NRXN1: variants seen among roughly 807,000 people sequenced by gnomAD.
The protein encoded by NRXN1 is neurexin-1.
In NRXN1, 39 loss-of-function variants were observed where a neutral mutation model predicts 150.9. That is an observed-to-expected ratio of 0.26 (90% CI 0.20 to 0.34). The LOEUF is 0.34. NRXN1 is among the 10% of genes least tolerant of loss of function. NRXN1 has a pLI of 1.00. For missense variants in NRXN1, 1,815 were observed against 1,949.9 expected, an observed-to-expected ratio of 0.93 and a Z score of 1.30; for synonymous variants, 924 against 757.0, an observed-to-expected ratio of 1.22 and a Z score of -3.62.
intron 5 of NRXN1, among the ~76,000 whole-genome samples, chr2:50,766,322 T>C (rs892686584): frequency 2.6e-5 from 4 of 152,006 alleles, no homozygotes; most frequent in Non-Finnish European, 4.4e-5. Context: ...TAACATGATC[T>C]GATAAACACC....
At chr2:50,678,559 A>C (rs771961079) in intron 5 of NRXN1, among the ~76,000 whole-genome samples, 2 of 152,078 alleles carry the variant, frequency 1.3e-5, no homozygotes, top group Non-Finnish European at 1.5e-5. Context: ...GCATTGGAAA[A>C]ACCTCATTTT....
chr2:50,941,702 T>G lies in NRXN1; in HGVS notation c.773-15747A>C, dbSNP rs1575001274. On this transcript the variant is annotated intron_variant, in intron 2 of 22. Transcript: ENST00000401669. ...TATGTGACCTGGCTTTTTCCGAAAG[T>G]GTACAGTCACATACGTTCACAAACA... 2.0e-5 allele frequency among the ~76,000 whole-genome samples: 3 copies of G among 152,132 alleles called. No homozygotes were observed. In the South Asian group the frequency reaches 6.2e-4, roughly 32 times the overall value.
chr2:50,422,238 A>G (rs1287917281), intron 17 of NRXN1, among the ~76,000 whole-genome samples: 2 of 152,152 alleles, frequency 1.3e-5, no homozygotes, highest in African/African-American at 2.4e-5. Flanking sequence ...AGAGGCTCTA[A>G]TTGCACACAA....
At chr2:50,156,332 T>C (rs776139450) in intron 18 of NRXN1, among the ~76,000 whole-genome samples, 1 of 151,840 alleles carries the variant, frequency 6.6e-6, no homozygotes, top group East Asian at 1.9e-4. Context: ...ATACAGTGTA[T>C]GAGAAAGGGC....
intron 17 of NRXN1, among the ~76,000 whole-genome samples, chr2:50,463,797 T>C (rs946515122): frequency 7.9e-5 from 12 of 151,848 alleles, no homozygotes; most frequent in African/African-American, 2.7e-4. Flanking sequence ...ACATTAAGCA[T>C]AGTTTGGCAG....
intron 17 of NRXN1, among the ~76,000 whole-genome samples, chr2:50,290,333 A>G (rs1031889312): frequency 6.6e-6 from 1 of 152,174 alleles, no homozygotes; most frequent in Non-Finnish European, 1.5e-5. Context: ...AATTTATTCA[A>G]TTGGGTTTGC....
intron 2 of NRXN1, among the ~76,000 whole-genome samples, chr2:50,946,588 C>A (rs1384405659): frequency 2.6e-5 from 4 of 152,106 alleles, no homozygotes; most frequent in Admixed American, 2.0e-4. Context: ...CAAAAACACT[C>A]ATTTAGGTAT....
intron 8 of NRXN1, among the ~76,000 whole-genome samples, chr2:50,600,922 A>T (rs940542725): frequency 6.7e-6 from 1 of 148,808 alleles, no homozygotes; most frequent in South Asian, 2.2e-4. Flanking sequence ...AATGCCTTTC[A>T]CATTCTAAGT....
At chr2:50,926,031 G>GC (rs1686822204) in intron 2 of NRXN1, 76 bp from the exon 3 acceptor site, 1 of 1,174,060 alleles carries the variant, frequency 8.5e-7, no homozygotes, top group African/African-American at 1.5e-5. Context: ...CCTTGCCTTT[G>GC]CATGTCTTCC....
chr2:50,260,179 G>T (rs1232749992), intron 17 of NRXN1, among the ~76,000 whole-genome samples: 2 of 151,892 alleles, frequency 1.3e-5, no homozygotes, highest in Admixed American at 6.6e-5. Context: ...CTGTCTCTTA[G>T]AACATAGTGG....
intron 5 of NRXN1, among the ~76,000 whole-genome samples, chr2:50,823,585 G>T (rs1386031303): frequency 5.3e-5 from 8 of 151,960 alleles, no homozygotes; most frequent in Non-Finnish European, 1.0e-4. Context: ...CTAGACTGAA[G>T]AATTAATAAA....
At chr2:49,923,260 G>A (rs1668536478) in intron 22 of NRXN1, among the ~76,000 whole-genome samples, 1 of 152,096 alleles carries the variant, frequency 6.6e-6, no homozygotes, top group African/African-American at 2.4e-5. Context: ...GATATAAAAG[G>A]ATAGAAACTG....
chr2:50,121,883 G>T (rs968980818), intron 18 of NRXN1, among the ~76,000 whole-genome samples: 1 of 152,138 alleles, frequency 6.6e-6, no homozygotes, highest in South Asian at 2.1e-4. Flanking sequence ...AAAGCTATGG[G>T]TTATTTACAG....
chr2:50,272,177 C>T (rs538019512), intron 17 of NRXN1, among the ~76,000 whole-genome samples: 9 of 152,190 alleles, frequency 5.9e-5, no homozygotes, highest in Non-Finnish European at 1.0e-4. Context: ...AGCAATGTGG[C>T]GGAGAAAACG....
chr2:49,942,889 C>T (rs1337724416), intron 22 of NRXN1, among the ~76,000 whole-genome samples: 2 of 152,070 alleles, frequency 1.3e-5, no homozygotes, highest in Admixed American at 6.6e-5. Context: ...GAATTACAGG[C>T]GTGAGCCACT....
chr2:50,182,111 C>CTT (rs10653885), intron 18 of NRXN1, among the ~76,000 whole-genome samples: 68,517 of 138,544 alleles, frequency 0.49, 16,895 homozygotes, highest in Non-Finnish European at 0.52. Context: ...ATTCATTATC[C>CTT]TTTTTTTTTT....
At chr2:50,854,561 G>A (rs1472272506) in intron 5 of NRXN1, among the ~76,000 whole-genome samples, 2 of 152,034 alleles carry the variant, frequency 1.3e-5, no homozygotes, top group Admixed American at 6.6e-5. Context: ...AGAACAGACT[G>A]GTTATTTCCA....
chr2:50,059,644 C>T (rs1445627059), intron 19 of NRXN1, among the ~76,000 whole-genome samples: 3 of 152,064 alleles, frequency 2.0e-5, no homozygotes, highest in African/African-American at 4.8e-5. Flanking sequence ...AGCCAGGAGG[C>T]CTAGGAGGAA....
chr2:50,858,848 A>G (rs1675661441), intron 5 of NRXN1, among the ~76,000 whole-genome samples: 1 of 152,052 alleles, frequency 6.6e-6, no homozygotes, highest in African/African-American at 2.4e-5. Context: ...TTAACACAAT[A>G]ATTATTTGCC....
Sources: gnomAD v4.1 joint callset for allele counts (sites outside exome capture counted in the v4.1 genomes callset) on GRCh38, gnomAD v4.1.1 for gene constraint, MANE v1.5 for transcripts, NCBI Gene and HGNC (gene_info 2026-07-23, HGNC 2026-07-21) for gene names.